The following MIA3 variants were observed in gnomAD, a reference collection of about 807,000 sequenced individuals.
The protein encoded by MIA3 is transport and Golgi organization protein 1 homolog.
MIA3 carries 90 observed loss-of-function variants against 192.4 expected under a neutral mutation model. The ratio of observed to expected loss-of-function variants is 0.47; its 90% CI spans 0.39 to 0.56. The LOEUF is 0.56. Ranked by LOEUF, MIA3 falls within the 20% of genes least tolerant of loss-of-function variation. MIA3 has a pLI of 0.00. For synonymous variants in MIA3, 740 were observed against 792.8 expected, an observed-to-expected ratio of 0.93 and a Z score of 1.12; for missense variants, 2,123 against 2,269.4, an observed-to-expected ratio of 0.94 and a Z score of 1.31.
chr1:222,654,397 T>G lies in MIA3; in HGVS notation c.4386T>G (p.Thr1462=). The change falls in exon 17 of 28, where the codon ACT becomes ACG. Residue 1462 remains threonine, a synonymous_variant. Transcript: ENST00000344922. The stretch of plus-strand genomic sequence containing the variant: ...TCTTCTGCAATTTTTAGACACAGAC[T>G]GCAATATCGGTAGTTGAAGAGGATC... ...KQMMDVSRTQ[T]AISVVEEDLK... is the part of the protein sequence containing the mutation. 1 of 1,613,792 alleles carries G rather than the reference T, an allele frequency of 6.2e-7. No individual in the cohort carries two copies. Among genetic ancestry groups the G allele is most frequent in the Non-Finnish European group, 8.5e-7 (1 of 1,179,794 alleles).
intron 6 of MIA3, chr1:222,644,246 C>G (rs1393959062): frequency 2.2e-6 from 3 of 1,339,960 alleles, no homozygotes; most frequent in Non-Finnish European, 2.9e-6. Flanking sequence ...GCTCTGGCCC[C>G]GCCCTCGCCG....
chr1:222,654,424 A>G lies in MIA3; in HGVS notation c.4413A>G (p.Leu1471=). ...QTAISVVEED[L]KLLQLKLRAS... ...CAATATCGGTAGTTGAAGAGGATCT[A>G]AAGCTTTTACAGCTTAAGCTAAGAG... The change falls in exon 17 of 28, where the codon CTA becomes CTG. Residue 1471 remains leucine (L), a synonymous_variant. Coordinates refer to ENST00000344922, the MANE Select transcript of MIA3 (RefSeq NM_198551.4). 1.2e-6 allele frequency: 2 copies of G among 1,613,878 alleles called. No homozygotes were observed. The highest frequency in any genetic ancestry group is 2.2e-5 in the East Asian group (1 of 44,882).
chr1:222,654,805 A>G lies in MIA3; in HGVS notation c.4607+12A>G. ...ATGGCTTTGCAAAAGTAAGATTATC[A>G]TCATTTACTGTTAACTGTATTGTCA... On this transcript the variant is annotated intron_variant, in intron 18 of 27. Transcript: ENST00000344922. The G allele has an allele frequency of 1.2e-6, 2 of 1,609,344 alleles. No individual in the cohort carries two copies. Among genetic ancestry groups the G allele is most frequent in the Non-Finnish European group, 1.7e-6 (2 of 1,176,116 alleles).
rs1488794974 is a variant in MIA3, at chr1:222,628,560, T to C, written c.1340T>C (p.Val447Ala). Residue 447 changes from valine to alanine, a missense_variant, in exon 4 of 28, where the codon GTA becomes GCA. By Grantham distance (64) the Val-to-Ala change is moderately conservative. Transcript: ENST00000344922. ...PDNVDDGLFIVDIPKTNNDKE... is the reference protein window; with the variant it reads ...PDNVDDGLFIADIPKTNNDKE... ...AATGTAGATGATGGTCTTTTTATTG[T>C]AGACATTCCTAAAACAAATAATGAC... 1.2e-6 allele frequency: 2 copies of C among 1,614,012 alleles called. No individual in the cohort carries two copies. Among genetic ancestry groups the C allele is most frequent in the Middle Eastern group, 1.6e-4 (1 of 6,084 alleles).
intron 26 of MIA3, 181 bp downstream of exon 26, chr1:222,662,513 C>G: frequency 7.1e-7 from 1 of 1,410,028 alleles, no homozygotes; most frequent in Non-Finnish European, 9.3e-7. Context: ...ACATCTTTGG[C>G]TGAGCGTCCA....
In MIA3 at chr1:222,656,511, C is replaced by T. The variant is rs1397688256; in HGVS notation, c.4607+1718C>T. 7.9e-5 allele frequency among the ~76,000 whole-genome samples: 12 copies of T among 151,940 alleles called. 1 individual carries two copies. The East Asian group carries it at 2.1e-3, about 27-fold the overall frequency. On this transcript the variant is annotated intron_variant, in intron 18 of 27. Coordinates refer to ENST00000344922, the MANE Select transcript of MIA3 (RefSeq NM_198551.4). The stretch of plus-strand genomic sequence containing the variant: ...TTTTATGCCTGCCCTAGCTGCCTTT[C>T]GTCATTTTCTTTTTGGTTTTTCAGC...
chr1:222,653,136 T>C lies in MIA3; in HGVS notation c.4209+6T>C, dbSNP rs1663529997. 2 of 1,605,010 alleles carry C rather than the reference T, an allele frequency of 1.2e-6. No individual in the cohort carries two copies. Among genetic ancestry groups the C allele is most frequent in the East Asian group, 4.5e-5 (2 of 44,644 alleles). ...ACAAGGATGATAATATTAATGTAAG[T>C]GCGTTCATGAATACAAGCTTAATTC... On this transcript the variant is annotated splice_donor_region_variant and intron_variant, in intron 14 of 27. Coordinates refer to ENST00000344922, the MANE Select transcript of MIA3 (RefSeq NM_198551.4).
intron 1 of MIA3, among the ~76,000 whole-genome samples, chr1:222,619,721 G>C (rs1661773571): frequency 6.6e-6 from 1 of 152,218 alleles, no homozygotes; most frequent in African/African-American, 2.4e-5. Context: ...TGCTTCTTCA[G>C]TACTGAGGCA....
At chr1:222,632,794 A>C (rs1662458885) in intron 5 of MIA3, among the ~76,000 whole-genome samples, 1 of 152,296 alleles carries the variant, frequency 6.6e-6, no homozygotes, top group Middle Eastern at 3.4e-3. Flanking sequence ...ATACAATGCA[A>C]TGCAGTTCTT....
intron 6 of MIA3, among the ~76,000 whole-genome samples, chr1:222,639,937 C>T (rs1553284678): frequency 6.6e-6 from 1 of 151,812 alleles, no homozygotes; most frequent in Non-Finnish European, 1.5e-5. Flanking sequence ...GTAAAATTGT[C>T]TTTTTTTGCA....
intron 6 of MIA3, chr1:222,644,188 A>G (rs1663006058): frequency 1.2e-6 from 1 of 810,102 alleles, no homozygotes; most frequent in Non-Finnish European, 1.7e-6. Flanking sequence ...CTTCCGCTCT[A>G]GCCCTATTCG....
In MIA3 at chr1:222,627,955, C is replaced by T. The variant is rs1662195630; in HGVS notation, c.735C>T (p.Asn245=). 6.2e-7 allele frequency: 1 copy of T among 1,613,970 alleles called. No individual in the cohort carries two copies. Among genetic ancestry groups the T allele is most frequent in the Non-Finnish European group, 8.5e-7 (1 of 1,179,978 alleles). Reference sequence around the variant, plus strand: ...AACTAAAAGTGCCAGAAAGTGAAAACAACAAAACCAGCAATAGTTCTCAGG... The same window carrying T: ...AACTAAAAGTGCCAGAAAGTGAAAATAACAAAACCAGCAATAGTTCTCAGG... ...QDKLKVPESE[N]NKTSNSSQVS... is the part of the protein sequence containing the mutation. The change falls in exon 4 of 28, where the codon AAC becomes AAT. Residue 245 remains asparagine (N), a synonymous_variant. Coordinates refer to ENST00000344922, the MANE Select transcript of MIA3 (RefSeq NM_198551.4).
Position 222,629,858 on chromosome 1 carries a change from C to G in MIA3, c.2638C>G (p.His880Asp), listed in dbSNP as rs759427715. 1.2e-6 allele frequency: 2 copies of G among 1,613,582 alleles called. No homozygotes were observed. Residue 880 changes from histidine to aspartate, a missense_variant, in exon 4 of 28, where the codon CAT becomes GAT. Physicochemically the swap from His to Asp is moderately conservative, Grantham distance 81 (BLOSUM62 -1). This residue lies in a region of MIA3 where 1,357 missense variants were observed against 1,396.1 expected (regional missense o/e 0.97). Transcript: ENST00000344922. ...TGAGGGAGAACTCTCAAAAGAGGAC[C>G]ATGAGAACACAGAGAAGTACATGGG... ...EPEGELSKED[H>D]ENTEKYMGTE...
chr1:222,647,784 G>T (rs1182508787), intron 7 of MIA3, among the ~76,000 whole-genome samples: 2 of 152,036 alleles, frequency 1.3e-5, no homozygotes, highest in Non-Finnish European at 2.9e-5. Flanking sequence ...GGGTGAAATG[G>T]AGCAGAGGAA....
At position 222,641,588 on chromosome 1, in the gene MIA3, T is replaced by G. The variant is rs543582349; in HGVS notation, c.3478-3966T>G. ...AAGTCCTTGGCATCCTCGGCTATCT[T>G]ATCTACATAGTACCCAGTTCCTACA... On this transcript the variant is annotated intron_variant, in intron 6 of 27. Coordinates refer to ENST00000344922, the MANE Select transcript of MIA3 (RefSeq NM_198551.4). The G allele has an allele frequency of 3.8e-5, 20 of 521,280 alleles. No homozygotes were observed. The East Asian group carries it at 1.1e-3, about 27-fold the overall frequency. The allele number at this position is 521,280 out of a possible 1,614,324, so 32.3% of individuals were successfully genotyped here. A position where few individuals can be genotyped will look rare whatever the true frequency, so the allele number is the denominator to read the frequency against.
At position 222,665,858 on chromosome 1, in the gene MIA3, A is replaced by G. The variant is rs1358021227; in HGVS notation, c.*239A>G. On this transcript the variant is annotated 3_prime_UTR_variant, in exon 28 of 28. Transcript: ENST00000344922. The stretch of plus-strand genomic sequence containing the variant: ...ACAACTTTGAAATGTGCAATAAAGA[A>G]TACCTGTGTTTTAGCTAATGTAGCA... The G allele has an allele frequency of 2.6e-6, 1 of 381,358 alleles. No individual in the cohort carries two copies. The highest frequency in any genetic ancestry group is 4.6e-6 in the Non-Finnish European group (1 of 217,256). 23.6% of individuals were successfully genotyped at this position (381,358 alleles called of 1,614,324 possible). A position where few individuals can be genotyped will look rare whatever the true frequency, so the allele number is the denominator to read the frequency against.
At chr1:222,625,351 T>C (rs1662065984) in intron 3 of MIA3, among the ~76,000 whole-genome samples, 1 of 152,238 alleles carries the variant, frequency 6.6e-6, no homozygotes, top group African/African-American at 2.4e-5. Flanking sequence ...GCTTTATATG[T>C]GAAAAATTAA....
intron 2 of MIA3, among the ~76,000 whole-genome samples, chr1:222,621,781 A>C (rs1246122242): frequency 6.6e-6 from 1 of 151,106 alleles, no homozygotes; most frequent in African/African-American, 2.4e-5. Context: ...AAAAAGCAAA[A>C]TGTTGTTTCT....
At position 222,665,793 on chromosome 1, in the gene MIA3, T is replaced by C; in HGVS notation, c.*174T>C. The C allele has an allele frequency of 2.1e-6, 1 of 476,174 alleles. No individual in the cohort carries two copies. The highest frequency in any genetic ancestry group is 3.5e-6 in the Non-Finnish European group (1 of 285,264). The allele number at this position is 476,174 out of a possible 1,614,324, so 29.5% of individuals were successfully genotyped here. A position where few individuals can be genotyped will look rare whatever the true frequency, so the allele number is the denominator to read the frequency against. On this transcript the variant is annotated 3_prime_UTR_variant, in exon 28 of 28. Transcript: ENST00000344922. Reference sequence around the variant, plus strand: ...CCAAACAATTCAAAAATGTCATTTCTTCCCTAAATAAAAATCACCTTTTAA... The same window carrying C: ...CCAAACAATTCAAAAATGTCATTTCCTCCCTAAATAAAAATCACCTTTTAA...
Sources: gnomAD v4.1 joint callset for allele counts (sites outside exome capture counted in the v4.1 genomes callset) on GRCh38, gnomAD v4.1.1 for gene constraint, gnomAD v4.1.1 regional missense constraint, MANE v1.5 for transcripts, NCBI Gene and HGNC (gene_info 2026-07-23, HGNC 2026-07-21) for gene names.